Variants in FAM178B observed in about 807,000 individuals in gnomAD.
FAM178B encodes protein FAM178B.
Under a neutral mutation model 91.7 loss-of-function variants are expected in FAM178B, and 82 were observed. The observed-to-expected ratio is 0.89, with a 90% confidence interval of 0.75 to 1.07. The LOEUF is 1.07. Among genes scored for constraint, FAM178B ranks in the 50% least tolerant of loss-of-function variants. The probability of loss-of-function intolerance (pLI) is 0.00; values close to 1 mark genes in which losing one functional copy is unlikely to be tolerated. For missense variants in FAM178B, 769 were observed against 846.7 expected, an observed-to-expected ratio of 0.91 and a Z score of 1.14; for synonymous variants, 368 against 359.4, an observed-to-expected ratio of 1.02 and a Z score of -0.27.
intron 12 of FAM178B, among the ~76,000 whole-genome samples, chr2:96,912,509 A>C (rs990633956): frequency 6.6e-6 from 1 of 152,010 alleles, no homozygotes; most frequent in African/African-American, 2.4e-5. Flanking sequence ...TGGGAAGCCC[A>C]GGGAAGGAAG....
At chr2:96,879,319 T>C (rs1175803938) in intron 14 of FAM178B, among the ~76,000 whole-genome samples, 1 of 151,738 alleles carries the variant, frequency 6.6e-6, no homozygotes, top group Non-Finnish European at 1.5e-5. Flanking sequence ...CGAGGACGAG[T>C]AGGGGTGGGA....
chr2:96,927,374 C>T (rs567970894), intron 9 of FAM178B, among the ~76,000 whole-genome samples: 1 of 152,168 alleles, frequency 6.6e-6, no homozygotes, highest in Non-Finnish European at 1.5e-5. Flanking sequence ...TCAGCCAGGT[C>T]CTCGAGGGTA....
chr2:96,961,537 A>G (rs979981015), intron 5 of FAM178B, among the ~76,000 whole-genome samples: 11 of 152,202 alleles, frequency 7.2e-5, no homozygotes, highest in African/African-American at 2.2e-4. Context: ...TTATAGCAAT[A>G]TAACACAAAT....
At chr2:96,974,373 C>A (rs1204691733) in intron 1 of FAM178B, among the ~76,000 whole-genome samples, 1 of 107,210 alleles carries the variant, frequency 9.3e-6, no homozygotes. Flanking sequence ...CAGAGCAAGA[C>A]TCCATCTCAA....
Position 96,978,485 on chromosome 2 carries a change from C to G in FAM178B, c.74-5879G>C, listed in dbSNP as rs75695456. On this transcript the variant is annotated intron_variant, in intron 1 of 16. Coordinates refer to ENST00000490605, the MANE Select transcript of FAM178B (RefSeq NM_001122646.3). ...TGGAGTCCCCAGTGTCTGTGGCTTCCTTCTGTACATCCAAGTACACCCAGT... is the reference window on the plus strand; with the variant it reads ...TGGAGTCCCCAGTGTCTGTGGCTTCGTTCTGTACATCCAAGTACACCCAGT... Among the ~76,000 whole-genome samples, 1,358 of 152,272 alleles carry G rather than the reference C, an allele frequency of 8.9e-3. 23 individuals carry two copies. The highest frequency in any genetic ancestry group is 0.03 in the African/African-American group (1,263 of 41,540).
intron 1 of FAM178B, among the ~76,000 whole-genome samples, chr2:96,979,275 A>ATT (rs745659064): frequency 0.031 from 3,561 of 114,360 alleles, 136 homozygotes; most frequent in Non-Finnish European, 0.036. Flanking sequence ...GCGCCCAGGC[A>ATT]TTTTTTTTTT....
chr2:96,912,706 G>A (rs1034778412), intron 12 of FAM178B, among the ~76,000 whole-genome samples: 14 of 152,256 alleles, frequency 9.2e-5, no homozygotes, highest in South Asian at 6.2e-4. Flanking sequence ...CCTGACCGCC[G>A]CCCACCTTCA....
chr2:96,887,109 G>A (rs1297781771), intron 14 of FAM178B, among the ~76,000 whole-genome samples: 1 of 152,104 alleles, frequency 6.6e-6, no homozygotes, highest in South Asian at 2.1e-4. Context: ...CAGCTACTCG[G>A]GAGGTTGAGG....
At chr2:96,919,868 G>A (rs1208662562) in intron 12 of FAM178B, among the ~76,000 whole-genome samples, 1 of 152,224 alleles carries the variant, frequency 6.6e-6, no homozygotes, top group Non-Finnish European at 1.5e-5. Flanking sequence ...GGGACTGCCT[G>A]CTCAGCACTG....
At chr2:96,896,889 C>T (rs2080835160) in intron 13 of FAM178B, among the ~76,000 whole-genome samples, 1 of 152,186 alleles carries the variant, frequency 6.6e-6, no homozygotes, top group South Asian at 2.1e-4. Flanking sequence ...TCTATCTAAA[C>T]AGAATCTTGC....
At chr2:96,943,615 T>C (rs562818880) in intron 8 of FAM178B, among the ~76,000 whole-genome samples, 4 of 152,306 alleles carry the variant, frequency 2.6e-5, no homozygotes, top group Non-Finnish European at 4.4e-5. Context: ...TTATGTGAAT[T>C]GTATCTTTAA....
intron 6 of FAM178B, 95 bp from the exon 7 acceptor site, chr2:96,951,579 G>A: frequency 1.1e-6 from 1 of 881,482 alleles, no homozygotes; most frequent in Non-Finnish European, 1.8e-6. Context: ...AGCTTCACTG[G>A]CTGTTGGGAA....
chr2:96,966,393 C>A (rs890918734), intron 5 of FAM178B, among the ~76,000 whole-genome samples: 14 of 152,186 alleles, frequency 9.2e-5, no homozygotes, highest in African/African-American at 3.4e-4. Flanking sequence ...AGAGCCCACA[C>A]CTTTCCCAGC....
At chr2:96,941,918 T>A (rs7584641) in intron 8 of FAM178B, among the ~76,000 whole-genome samples, 28,243 of 152,238 alleles carry the variant, frequency 0.19, 4,252 homozygotes, top group African/African-American at 0.41. Flanking sequence ...TTAAAGAAAC[T>A]TGAGGTCATT....
At chr2:96,979,117 C>T (rs564808462) in intron 1 of FAM178B, among the ~76,000 whole-genome samples, 16 of 150,636 alleles carry the variant, frequency 1.1e-4, no homozygotes, top group African/African-American at 3.9e-4. Context: ...GCTGGGACTA[C>T]AGACACACAC....
rs2082232900 is a variant in FAM178B at position 96,972,288 on chromosome 2, CAGG to C, written c.174_176del (p.Leu59del). On this transcript the variant is annotated inframe_deletion, in exon 3 of 17. Transcript: ENST00000490605. ...CTGACAAGCCATCCTCCAGGTTGTA[CAGG>C]AGGATGGGCACGGTGGCGGCAGCCT... is the stretch of plus-strand genomic sequence containing the variant. The C allele has an allele frequency of 1.3e-6, 2 of 1,483,374 alleles. No individual in the cohort carries two copies. The highest frequency in any genetic ancestry group is 1.8e-6 in the Non-Finnish European group (2 of 1,115,620). The allele number at this position is 1,483,374 out of a possible 1,614,324, so 91.9% of individuals were successfully genotyped here.
At chr2:96,952,729 C>T (rs748126879) in intron 6 of FAM178B, among the ~76,000 whole-genome samples, 17 of 152,270 alleles carry the variant, frequency 1.1e-4, no homozygotes, top group Admixed American at 6.5e-4. Flanking sequence ...GATTCTCCTA[C>T]GTCCTGCGCA....
chr2:96,935,433 T>C (rs1454297290), intron 8 of FAM178B, among the ~76,000 whole-genome samples: 2 of 152,052 alleles, frequency 1.3e-5, no homozygotes, highest in Non-Finnish European at 2.9e-5. Context: ...GCCTTCTCAC[T>C]TGGCCACCTA....
At chr2:96,909,663 CT>C (rs1381592413) in intron 12 of FAM178B, among the ~76,000 whole-genome samples, 1 of 151,550 alleles carries the variant, frequency 6.6e-6, no homozygotes, top group Non-Finnish European at 1.5e-5. Flanking sequence ...AGCCCAAAGT[CT>C]TTTTTTTTCA....
Sources: gnomAD v4.1 joint callset for allele counts (sites outside exome capture counted in the v4.1 genomes callset) on GRCh38, gnomAD v4.1.1 for gene constraint, MANE v1.5 for transcripts, NCBI Gene and HGNC (gene_info 2026-07-23, HGNC 2026-07-21) for gene names.